The following VWA3B variants were observed in gnomAD, a reference collection of about 807,000 sequenced individuals.
VWA3B encodes the protein von Willebrand factor A domain-containing protein 3B.
A neutral mutation model predicts 158.3 loss-of-function variants in VWA3B; 138 were observed. The observed-to-expected ratio is 0.87, with a 90% CI of 0.76 to 1.00. The LOEUF (loss-of-function observed/expected upper bound fraction) is 1.00, where lower values mean the gene tolerates loss of function less well. Among genes scored for constraint, VWA3B ranks in the 50% least tolerant of loss-of-function variants. VWA3B has a pLI of 0.00. For missense variants in VWA3B, 1,555 were observed against 1,565.1 expected (o/e 0.99, Z 0.11); for synonymous variants, 596 against 587.3 (o/e 1.01, Z -0.21).
At chr2:98,295,154 C>A (rs1033855828) in intron 23 of VWA3B, among the ~76,000 whole-genome samples, 1 of 151,884 alleles carries the variant, frequency 6.6e-6, no homozygotes, top group East Asian at 1.9e-4. Context: ...GAGGGAGAAG[C>A]GGACACGAGG....
At chr2:98,316,938 C>A (rs1265953214), downstream of VWA3B, among the ~76,000 whole-genome samples, 2 of 152,144 alleles carry the variant, frequency 1.3e-5, no homozygotes, top group Admixed American at 1.3e-4. Context: ...TCCTGTACAT[C>A]CTGCGGAACC....
intron 14 of VWA3B, 28 bp downstream of exon 14, chr2:98,218,056 G>C (rs752033508): frequency 1.9e-6 from 3 of 1,570,410 alleles, no homozygotes; most frequent in Middle Eastern, 3.4e-4. Flanking sequence ...TAAGAAGGGA[G>C]TGTTCATTTG....
intron 16 of VWA3B, among the ~76,000 whole-genome samples, chr2:98,233,120 C>G (rs2105715795): frequency 6.6e-6 from 1 of 152,330 alleles, no homozygotes; most frequent in Non-Finnish European, 1.5e-5. Flanking sequence ...CCTGCCTGTT[C>G]CAGTGAACCT....
At chr2:98,142,258 G>A (rs1676834434) in intron 7 of VWA3B, among the ~76,000 whole-genome samples, 1 of 152,192 alleles carries the variant, frequency 6.6e-6, no homozygotes, top group East Asian at 1.9e-4. Context: ...AAAATCTTTT[G>A]TAGACCCTGC....
chr2:98,096,783 T>C (rs1353703628), intron 2 of VWA3B, among the ~76,000 whole-genome samples: 1 of 152,172 alleles, frequency 6.6e-6, no homozygotes, highest in Non-Finnish European at 1.5e-5. Flanking sequence ...TTTTTACCTC[T>C]GATTTTATTT....
intron 2 of VWA3B, among the ~76,000 whole-genome samples, chr2:98,112,148 G>C (rs903348340): frequency 6.6e-6 from 1 of 152,118 alleles, no homozygotes; most frequent in African/African-American, 2.4e-5. Flanking sequence ...AGCTATTTCA[G>C]AGTCATTTAT....
chr2:98,203,837 C>T (rs1394175671), intron 12 of VWA3B, among the ~76,000 whole-genome samples: 1 of 152,096 alleles, frequency 6.6e-6, no homozygotes, highest in Non-Finnish European at 1.5e-5. Context: ...GGTAAGCCCT[C>T]CATATCTGCA....
At chr2:98,286,279 GTACTGGCTAGA>G (rs151031310) in intron 22 of VWA3B, among the ~76,000 whole-genome samples, 17,296 of 152,084 alleles carry the variant, frequency 0.11, 1,157 homozygotes, top group Non-Finnish European at 0.16. Flanking sequence ...ATGCCTGACT[GTACTGGCTAGA>G]ACCTCAAATA....
At chr2:98,192,576 A>G (rs1276554195) in intron 10 of VWA3B, among the ~76,000 whole-genome samples, 2 of 152,154 alleles carry the variant, frequency 1.3e-5, no homozygotes, top group Admixed American at 6.5e-5. Context: ...AGCCATCTGG[A>G]TGTGTATGTG....
At chr2:98,179,890 CTCTT>C (rs1238699540) in intron 8 of VWA3B, among the ~76,000 whole-genome samples, 3 of 135,256 alleles carry the variant, frequency 2.2e-5, no homozygotes, top group Non-Finnish European at 4.8e-5. Flanking sequence ...CTCCCTCTCT[CTCTT>C]TCTTTCTCTT....
intron 6 of VWA3B, 74 bp downstream of exon 6, chr2:98,128,482 A>G: frequency 6.6e-7 from 1 of 1,520,606 alleles, no homozygotes; most frequent in African/African-American, 1.4e-5. Flanking sequence ...TGGGTCTTGC[A>G]TTCTTCGTGG....
At chr2:98,294,415 C>T (rs1689681285) in intron 23 of VWA3B, among the ~76,000 whole-genome samples, 1 of 152,190 alleles carries the variant, frequency 6.6e-6, no homozygotes, top group African/African-American at 2.4e-5. Context: ...GCCAGGTCCA[C>T]GCGGAAGCAG....
At chr2:98,251,104 A>G (rs1026432780) in intron 20 of VWA3B, among the ~76,000 whole-genome samples, 1 of 152,020 alleles carries the variant, frequency 6.6e-6, no homozygotes, top group Non-Finnish European at 1.5e-5. Context: ...TCTAAAAAAA[A>G]TTGCTCATAA....
intron 19 of VWA3B, among the ~76,000 whole-genome samples, chr2:98,247,151 C>T (rs1686452179): frequency 6.6e-6 from 1 of 151,814 alleles, no homozygotes; most frequent in Non-Finnish European, 1.5e-5. Flanking sequence ...GCACCCGCCA[C>T]CTCCCCCAGC....
At position 98,210,213 on chromosome 2, in the gene VWA3B, G is replaced by T. The variant is rs1012278650; in HGVS notation, c.1738-1717G>T. Among the ~76,000 whole-genome samples, 4 of 152,158 alleles carry T rather than the reference G, an allele frequency of 2.6e-5. No individual in the cohort carries two copies. In the South Asian group the frequency reaches 8.3e-4, roughly 32 times the overall value. On this transcript the variant is annotated intron_variant, in intron 12 of 27. Transcript: ENST00000477737. ...GAATTACTTGCTGAATCCTGAACAA[G>T]AAAGGAGTCTGGAGCGTGCAGCATC...
intron 12 of VWA3B, chr2:98,207,508 T>C (rs1683122880): frequency 1.2e-5 from 6 of 513,278 alleles, no homozygotes; most frequent in Non-Finnish European, 3.9e-6. Flanking sequence ...GTTGACTGTG[T>C]CTTGAATGTG....
intron 12 of VWA3B, among the ~76,000 whole-genome samples, chr2:98,200,356 C>G (rs1682427440): frequency 6.6e-6 from 1 of 152,070 alleles, no homozygotes; most frequent in Non-Finnish European, 1.5e-5. Flanking sequence ...GCCTGGCCAA[C>G]ATGGTGAAAC....
At chr2:98,131,151 C>T (rs1390024264) in intron 6 of VWA3B, among the ~76,000 whole-genome samples, 1 of 152,224 alleles carries the variant, frequency 6.6e-6, no homozygotes, top group African/African-American at 2.4e-5. Context: ...ATTCTACTCT[C>T]ATCTCCATGA....
chr2:98,148,806 C>A (rs1677376508), intron 7 of VWA3B, among the ~76,000 whole-genome samples: 1 of 152,238 alleles, frequency 6.6e-6, no homozygotes, highest in Non-Finnish European at 1.5e-5. Context: ...CCTGGACCAT[C>A]TGCTGTGCTT....
Sources: allele counts gnomAD v4.1 joint callset (sites outside exome capture counted in the v4.1 genomes callset), GRCh38; gene constraint gnomAD v4.1.1; transcripts MANE v1.5; gene names NCBI Gene and HGNC (gene_info 2026-07-23, HGNC 2026-07-21).